The following CAMK2B variants were observed in gnomAD, a reference collection of about 807,000 sequenced individuals.
CAMK2B encodes calcium/calmodulin dependent protein kinase II beta.
In CAMK2B, 27 loss-of-function variants were observed where a neutral mutation model predicts 93.7. The ratio of observed to expected loss-of-function variants is 0.29; its 90% CI spans 0.21 to 0.40. CAMK2B has a LOEUF of 0.40. CAMK2B is among the 10% of genes least tolerant of loss of function. The probability of loss-of-function intolerance (pLI) is 1.00; values close to 1 mark genes in which losing one functional copy is unlikely to be tolerated. For missense variants in CAMK2B, 568 were observed against 895.8 expected, an observed-to-expected ratio of 0.63 and a Z score of 4.67; for synonymous variants, 374 against 358.8, an observed-to-expected ratio of 1.04 and a Z score of -0.48.
intron 1 of CAMK2B, among the ~76,000 whole-genome samples, chr7:44,305,926 T>C (rs1791352870): frequency 6.6e-6 from 1 of 150,664 alleles, no homozygotes; most frequent in Non-Finnish European, 1.5e-5. Context: ...ACCACAGAAA[T>C]GGGCAAACAC....
chr7:44,290,288 A>G (rs952653677), intron 1 of CAMK2B, among the ~76,000 whole-genome samples: 17 of 152,322 alleles, frequency 1.1e-4, no homozygotes, highest in African/African-American at 3.8e-4. Context: ...TTTCCCATCC[A>G]GTTTTTGCGT....
rs900518966 is a variant in CAMK2B, at chr7:44,271,569, G to A, written c.161-8505C>T. ...AGGCAGAGGCCAGCTCACATCTTGG[G>A]GCCAGCACTTGCCAACCTGGGCTGC... On this transcript the variant is annotated intron_variant, in intron 2 of 23. Coordinates refer to ENST00000395749, the MANE Select transcript of CAMK2B (RefSeq NM_001220.5). The surrounding 1 kb of genome is among the most constrained non-coding windows in gnomAD (Gnocchi z 4.2). Among the ~76,000 whole-genome samples the A allele has an allele frequency of 1.1e-4, 16 of 152,228 alleles. No homozygotes were observed. The highest frequency in any genetic ancestry group is 2.1e-4 in the Non-Finnish European group (14 of 68,032).
intron 15 of CAMK2B, 78 bp downstream of exon 15, chr7:44,234,312 G>T: frequency 7.6e-7 from 1 of 1,320,562 alleles, no homozygotes. Flanking sequence ...ACCTTCACCC[G>T]GCCCCCTCTG....
intron 1 of CAMK2B, among the ~76,000 whole-genome samples, chr7:44,323,529 C>T (rs1447091443): frequency 6.6e-6 from 1 of 152,242 alleles, no homozygotes; most frequent in African/African-American, 2.4e-5. Context: ...GAATCGGAGG[C>T]TCAGCGGGGA....
intron 20 of CAMK2B, among the ~76,000 whole-genome samples, chr7:44,222,113 T>C (rs568592037): frequency 1.3e-5 from 2 of 152,198 alleles, no homozygotes; most frequent in South Asian, 4.2e-4. Flanking sequence ...ACACGCACGC[T>C]CACCTATACA....
intron 1 of CAMK2B, among the ~76,000 whole-genome samples, chr7:44,305,167 A>G (rs1203500238): frequency 6.6e-6 from 1 of 152,130 alleles, no homozygotes; most frequent in Non-Finnish European, 1.5e-5. Flanking sequence ...TGTAATACCC[A>G]CCTACGCATG....
At position 44,220,031 on chromosome 7, in the gene CAMK2B, C is replaced by T. The variant is rs766698106; in HGVS notation, c.*2+29G>A. 1.5e-5 allele frequency: 23 copies of T among 1,513,686 alleles called. No homozygotes were observed. The East Asian group carries it at 5.4e-4, about 36-fold the overall frequency. 93.8% of individuals were successfully genotyped at this position (1,513,686 alleles called of 1,614,324 possible). On this transcript the variant is annotated intron_variant, in intron 23 of 23. Coordinates refer to ENST00000395749, the MANE Select transcript of CAMK2B (RefSeq NM_001220.5). Reference sequence around the variant, plus strand: ...CTCACACCACCGCCACCCCTCTGCCCCAGCTGTCACTTAGCACAGAACACT... The same window carrying T: ...CTCACACCACCGCCACCCCTCTGCCTCAGCTGTCACTTAGCACAGAACACT...
intron 1 of CAMK2B, among the ~76,000 whole-genome samples, chr7:44,300,189 C>T (rs755331147): frequency 1.3e-5 from 2 of 152,058 alleles, no homozygotes; most frequent in Non-Finnish European, 2.9e-5. Context: ...CATGTGCCAC[C>T]ATGGCTGGCT....
chr7:44,231,683 G>A (rs1222149851), intron 16 of CAMK2B, among the ~76,000 whole-genome samples: 1 of 152,152 alleles, frequency 6.6e-6, no homozygotes, highest in African/African-American at 2.4e-5. Context: ...CATTCCCTCA[G>A]GGCACCTGCC....
Position 44,220,602 on chromosome 7 carries a change from G to C in CAMK2B, c.1768+14C>G. On this transcript the variant is annotated intron_variant, in intron 22 of 23. Coordinates refer to ENST00000395749, the MANE Select transcript of CAMK2B (RefSeq NM_001220.5). ...GCACCGCCCCCTCATGCCCACCCGG[G>C]CTTCCTCACTCACGGTTCTCGAAGT... 1 of 1,607,614 alleles carries C rather than the reference G, an allele frequency of 6.2e-7. No individual in the cohort carries two copies. The highest frequency in any genetic ancestry group is 8.5e-7 in the Non-Finnish European group (1 of 1,175,540).
chr7:44,221,036 G>A (rs1405614029), intron 20 of CAMK2B, 135 bp from the exon 21 acceptor site: 2 of 678,350 alleles, frequency 2.9e-6, no homozygotes, highest in Non-Finnish European at 5.1e-6. Context: ...TGCAGAAGAG[G>A]TCCTCTCCGC....
rs553648586 is a variant in CAMK2B at position 44,266,383 on chromosome 7, G to A, written c.161-3319C>T. ...TATTCTTGGCTTCCACATTAACACC[G>A]TAAACCCCTTGTCATGGACAAGGTT... is the stretch of plus-strand genomic sequence containing the variant. On this transcript the variant is annotated intron_variant, in intron 2 of 23. Transcript: ENST00000395749. 6.6e-5 allele frequency among the ~76,000 whole-genome samples: 10 copies of A among 152,232 alleles called. No homozygotes were observed. The South Asian group carries it at 1.2e-3, about 19-fold the overall frequency.
intron 1 of CAMK2B, among the ~76,000 whole-genome samples, chr7:44,300,383 A>T (rs1789642207): frequency 6.6e-6 from 1 of 152,026 alleles, no homozygotes; most frequent in Non-Finnish European, 1.5e-5. Context: ...GCTGGTCTTG[A>T]ACTCCTAGGC....
intron 13 of CAMK2B, among the ~76,000 whole-genome samples, chr7:44,238,710 C>T (rs1487527198): frequency 6.6e-6 from 1 of 152,238 alleles, no homozygotes; most frequent in Non-Finnish European, 1.5e-5. Flanking sequence ...TTGGAGGCAC[C>T]GACAGGGAAC....
At chr7:44,223,110 T>G (rs1021400216) in intron 20 of CAMK2B, among the ~76,000 whole-genome samples, 2 of 152,204 alleles carry the variant, frequency 1.3e-5, no homozygotes, top group African/African-American at 4.8e-5. Flanking sequence ...TGTGAATGTG[T>G]GTAGATGAAG....
intron 1 of CAMK2B, among the ~76,000 whole-genome samples, chr7:44,315,026 A>T (rs2116348024): frequency 6.6e-6 from 1 of 152,296 alleles, no homozygotes; most frequent in East Asian, 1.9e-4. Flanking sequence ...TCTATGGACT[A>T]TTCTATTCCA....
In CAMK2B at chr7:44,225,334, G is replaced by A. The variant is rs993885397; in HGVS notation, c.1597+1182C>T. 6.6e-6 allele frequency among the ~76,000 whole-genome samples: 1 copy of A among 152,098 alleles called. No homozygotes were observed. Among genetic ancestry groups the A allele is most frequent in the Non-Finnish European group, 1.5e-5 (1 of 67,998 alleles). On this transcript the variant is annotated intron_variant, in intron 20 of 23. Coordinates refer to ENST00000395749, the MANE Select transcript of CAMK2B (RefSeq NM_001220.5). The surrounding 1 kb of genome is among the most constrained non-coding windows in gnomAD (Gnocchi z 5.0). ...AGCTGCTGTAGAAGTGGCAGGTGTC[G>A]GGGGTTCTGACCACTCCCAGAGGCT...
At chr7:44,232,586 C>A (rs1475980452) in intron 16 of CAMK2B, among the ~76,000 whole-genome samples, 1 of 152,214 alleles carries the variant, frequency 6.6e-6, no homozygotes, top group Admixed American at 6.5e-5. Flanking sequence ...GAGTGTCGGC[C>A]ACATGGGGAC....
intron 1 of CAMK2B, among the ~76,000 whole-genome samples, chr7:44,284,841 A>G (rs995462955): frequency 6.6e-6 from 1 of 152,306 alleles, no homozygotes; most frequent in East Asian, 1.9e-4. Context: ...GAGAGCCTCC[A>G]CTGTCCAGGT....
Sources: allele counts gnomAD v4.1 joint callset (sites outside exome capture counted in the v4.1 genomes callset), GRCh38; gene constraint gnomAD v4.1.1; non-coding constraint Gnocchi (gnomAD v3.1); transcripts MANE v1.5; gene names NCBI Gene and HGNC (gene_info 2026-07-23, HGNC 2026-07-21).